PACRG: variants seen among roughly 807,000 people sequenced by gnomAD.
PACRG encodes the protein parkin coregulated, also known as parkin coregulated gene protein.
In PACRG, 29 loss-of-function variants were observed where a neutral mutation model predicts 29.7. The observed-to-expected ratio is 0.98, with a 90% CI of 0.73 to 1.33. The LOEUF (loss-of-function observed/expected upper bound fraction) is 1.33, where lower values mean the gene tolerates loss of function less well. Among genes scored for constraint, PACRG ranks in the 40% most tolerant of loss-of-function variants. The pLI is 0.00. For synonymous variants in PACRG, 116 were observed against 118.7 expected, an observed-to-expected ratio of 0.98 and a Z score of 0.15; for missense variants, 279 against 316.2, an observed-to-expected ratio of 0.88 and a Z score of 0.89.
intron 2 of PACRG, among the ~76,000 whole-genome samples, chr6:162,842,957 G>A (rs200689570): frequency 9.0e-3 from 916 of 102,112 alleles, no homozygotes; most frequent in East Asian, 0.037. Context: ...GGTTTCTGCC[G>A]AGAGATCCGC....
In PACRG at chr6:163,066,467, C is replaced by A. The variant is rs546205267; in HGVS notation, c.463+4146C>A. Among the ~76,000 whole-genome samples, 6 of 152,314 alleles carry A rather than the reference C, an allele frequency of 3.9e-5. No homozygotes were observed. In the South Asian group the frequency reaches 1.2e-3, roughly 32 times the overall value. On this transcript the variant is annotated intron_variant, in intron 3 of 4. Coordinates refer to ENST00000366888, the MANE Select transcript of PACRG (RefSeq NM_001080379.2). ...AGTGTAGTGTGAAAAGCAGTCAGCACTAAACCTAGGGTTATGTCTAAATAG... is the reference window on the plus strand; with the variant it reads ...AGTGTAGTGTGAAAAGCAGTCAGCAATAAACCTAGGGTTATGTCTAAATAG...
intron 4 of PACRG, among the ~76,000 whole-genome samples, chr6:163,152,415 T>C (rs562081542): frequency 3.9e-4 from 60 of 152,326 alleles, no homozygotes; most frequent in African/African-American, 1.3e-3. Flanking sequence ...TAAATTTGTA[T>C]ATTAATTAGA....
chr6:162,815,405 C>T (rs185566773), intron 2 of PACRG, among the ~76,000 whole-genome samples: 6 of 149,184 alleles, frequency 4.0e-5, no homozygotes, highest in Non-Finnish European at 8.9e-5. Context: ...TGCATTATAT[C>T]TAGTATGTCT....
intron 2 of PACRG, among the ~76,000 whole-genome samples, chr6:162,904,048 T>G (rs1174369520): frequency 6.6e-6 from 1 of 152,224 alleles, no homozygotes; most frequent in African/African-American, 2.4e-5. Flanking sequence ...CAGGGCAGAC[T>G]GATAGGCAGG....
intron 2 of PACRG, among the ~76,000 whole-genome samples, chr6:162,927,890 CTT>C (rs1797568713): frequency 6.6e-6 from 1 of 151,970 alleles, no homozygotes; most frequent in African/African-American, 2.4e-5. Flanking sequence ...GGTGTACTAT[CTT>C]TTTCATGTGC....
At chr6:162,893,945 G>A (rs930050714) in intron 2 of PACRG, among the ~76,000 whole-genome samples, 1 of 152,152 alleles carries the variant, frequency 6.6e-6, no homozygotes, top group Admixed American at 6.5e-5. Context: ...AATCAATCAC[G>A]AACTCAGTCA....
At chr6:162,787,582 G>GTGTGTACATATATA (rs1198197561) in intron 1 of PACRG, among the ~76,000 whole-genome samples, 6 of 62,418 alleles carry the variant, frequency 9.6e-5, no homozygotes, top group Non-Finnish European at 1.8e-4. Flanking sequence ...GTGTGTGTGT[G>GTGTGTACATATATA]TATATATATA....
intron 2 of PACRG, among the ~76,000 whole-genome samples, chr6:162,884,585 A>T (rs11970195): frequency 0.057 from 8,667 of 152,162 alleles, 825 homozygotes; most frequent in African/African-American, 0.2. Flanking sequence ...AAATTTTTTT[A>T]AAAAAATTAA....
intron 4 of PACRG, among the ~76,000 whole-genome samples, chr6:163,188,657 A>G (rs9458735): frequency 1.9e-3 from 294 of 152,300 alleles, no homozygotes; most frequent in Non-Finnish European, 3.1e-3. Context: ...GTTTTATTTT[A>G]GTGGCCTTTC....
intron 2 of PACRG, among the ~76,000 whole-genome samples, chr6:162,988,554 G>GA (rs2128181606): frequency 6.6e-6 from 1 of 152,274 alleles, no homozygotes; most frequent in African/African-American, 2.4e-5. Flanking sequence ...ATGTTCTACA[G>GA]AAAGCTATTA....
intron 2 of PACRG, among the ~76,000 whole-genome samples, chr6:162,868,436 G>T (rs1459028687): frequency 2.0e-5 from 3 of 152,328 alleles, no homozygotes; most frequent in African/African-American, 4.8e-5. Context: ...GACTGGGAGC[G>T]CTGGGAGCTG....
intron 4 of PACRG, among the ~76,000 whole-genome samples, chr6:163,089,869 GTAT>G (rs1284441991): frequency 6.6e-6 from 1 of 151,982 alleles, no homozygotes; most frequent in Non-Finnish European, 1.5e-5. Flanking sequence ...ATTTTTTGTA[GTAT>G]TATTCTATAA....
At chr6:162,761,766 G>A (rs1407858785) in intron 1 of PACRG, among the ~76,000 whole-genome samples, 4 of 151,702 alleles carry the variant, frequency 2.6e-5, no homozygotes, top group East Asian at 1.9e-4. Flanking sequence ...ATGAAACCCC[G>A]TCTCTACTAA....
rs918940870 is a variant in PACRG, at chr6:163,200,320, C to A, written c.613+110912C>A. On this transcript the variant is annotated intron_variant, in intron 4 of 4. Transcript: ENST00000366888. ...AAAATCAGGAACTGGGACATTGGCA[C>A]CTCCTGAGGATGGGACCACCCAGTG... Among the ~76,000 whole-genome samples the A allele has an allele frequency of 3.3e-5, 5 of 152,116 alleles. No homozygotes were observed. In the East Asian group the frequency reaches 9.6e-4, roughly 29 times the overall value.
chr6:163,067,433 T>A (rs938526155), intron 3 of PACRG, among the ~76,000 whole-genome samples: 1 of 152,232 alleles, frequency 6.6e-6, no homozygotes, highest in African/African-American at 2.4e-5. Flanking sequence ...GCATTGTTCA[T>A]AATGTGCATG....
intron 4 of PACRG, among the ~76,000 whole-genome samples, chr6:163,282,404 C>T (rs1396093483): frequency 6.6e-6 from 1 of 152,200 alleles, no homozygotes; most frequent in Non-Finnish European, 1.5e-5. Context: ...TTTCTCTTAT[C>T]TCTTTATCAA....
chr6:162,869,399 G>C (rs572657981), intron 2 of PACRG, among the ~76,000 whole-genome samples: 1 of 152,228 alleles, frequency 6.6e-6, no homozygotes, highest in African/African-American at 2.4e-5. Context: ...TATTAGTTTT[G>C]AGTGTACTAA....
Position 163,109,947 on chromosome 6 carries a change from A to C in PACRG, c.613+20539A>C, listed in dbSNP as rs1815615749. 4.6e-5 allele frequency among the ~76,000 whole-genome samples: 7 copies of C among 152,348 alleles called. No individual in the cohort carries two copies. The South Asian group carries it at 1.4e-3, about 32-fold the overall frequency. On this transcript the variant is annotated intron_variant, in intron 4 of 4. Coordinates refer to ENST00000366888, the MANE Select transcript of PACRG (RefSeq NM_001080379.2). ...TATCAGTTTCATGGAGATGGCAGGA[A>C]AATCACAAGATAGAGCTTGACCACT...
At chr6:162,819,986 C>T (rs1787699295) in intron 2 of PACRG, among the ~76,000 whole-genome samples, 1 of 152,098 alleles carries the variant, frequency 6.6e-6, no homozygotes, top group Admixed American at 6.6e-5. Flanking sequence ...ACTTTAGGTT[C>T]CAGAATGATA....
Sources: allele counts gnomAD v4.1 joint callset (sites outside exome capture counted in the v4.1 genomes callset), GRCh38; gene constraint gnomAD v4.1.1; transcripts MANE v1.5; gene names NCBI Gene and HGNC (gene_info 2026-07-23, HGNC 2026-07-21).